Variants in SYNE2 observed in about 807,000 individuals in gnomAD.
SYNE2 encodes nesprin-2.
In SYNE2, 431 loss-of-function variants were observed where a neutral mutation model predicts 856.3. The ratio of observed to expected loss-of-function variants is 0.50; its 90% CI spans 0.47 to 0.55. The LOEUF is 0.55. SYNE2 is among the 20% of genes least tolerant of loss of function. SYNE2 has a pLI of 0.00. For synonymous variants in SYNE2, 2,923 were observed against 2,872.3 expected, an observed-to-expected ratio of 1.02 and a Z score of -0.56; for missense variants, 8,129 against 8,023.2, an observed-to-expected ratio of 1.01 and a Z score of -0.50.
rs764816459 is a variant in SYNE2, at chr14:64,179,586, A to AT, written c.17556+2112dup. 6.1e-4 allele frequency among the ~76,000 whole-genome samples: 92 copies of AT among 151,826 alleles called. 1 individual carries two copies. The East Asian group carries it at 0.015, about 25-fold the overall frequency. On this transcript the variant is annotated intron_variant, in intron 96 of 115. Coordinates refer to ENST00000555002, the MANE Select transcript of SYNE2 (RefSeq NM_182914.3). ...TTCTGTAGTCACTTGGTATTGTCAGATTTTTTTTTAAACTTTTGCTAATCC... is the reference window on the plus strand; with the variant it reads ...TTCTGTAGTCACTTGGTATTGTCAGATTTTTTTTTTAAACTTTTGCTAATCC...
At position 64,065,595 on chromosome 14, in the gene SYNE2, A is replaced by AGTGG; in HGVS notation, c.10378_10381dup (p.Glu3461ValfsTer17). 6.2e-7 allele frequency: 1 copy of AGTGG among 1,614,198 alleles called. No individual in the cohort carries two copies. Among genetic ancestry groups the AGTGG allele is most frequent in the Non-Finnish European group, 8.5e-7 (1 of 1,180,042 alleles). ...CTGAGTTTGCTGGAAGCTGCTAAAG[A>AGTGG]GTGGGAGATGTGGTGCGAAGAACTG... is the stretch of plus-strand genomic sequence containing the variant. On this transcript the variant is annotated frameshift_variant, in exon 51 of 116. Coordinates refer to ENST00000555002, the MANE Select transcript of SYNE2 (RefSeq NM_182914.3). LOFTEE classifies it high-confidence loss of function.
intron 6 of SYNE2, among the ~76,000 whole-genome samples, chr14:63,943,444 G>T (rs1425886718): frequency 6.6e-6 from 1 of 151,886 alleles, no homozygotes; most frequent in Non-Finnish European, 1.5e-5. Flanking sequence ...AGAAAAACTA[G>T]AAAAATAGCA....
At position 63,997,108 on chromosome 14, in the gene SYNE2, C is replaced by T. The variant is rs886050580; in HGVS notation, c.3102C>T (p.Ser1034=). The change falls in exon 24 of 116, where the codon TCC becomes TCT. Residue 1034 remains serine, a synonymous_variant. Transcript: ENST00000555002. ...TAGAAAGACTTCTGAAATGTGCTTC[C>T]GAGATTCATATGACACTGCAGCCCA... ...QKIERLLKCA[S]EIHMTLQPTA... 1.8e-5 allele frequency: 29 copies of T among 1,613,858 alleles called. No individual in the cohort carries two copies. Among genetic ancestry groups the T allele is most frequent in the Middle Eastern group, 1.6e-4 (1 of 6,084 alleles).
chr14:64,100,382 G>A (rs1202071107), intron 63 of SYNE2: 1 of 150,818 alleles, frequency 6.6e-6, no homozygotes. Context: ...CAGGTGTGGT[G>A]GCAGGTTCCT....
At chr14:64,042,990 T>C (rs1194366921) in intron 45 of SYNE2, among the ~76,000 whole-genome samples, 2 of 152,144 alleles carry the variant, frequency 1.3e-5, no homozygotes, top group Non-Finnish European at 2.9e-5. Context: ...GTTGAATGGC[T>C]TTGACCAAAA....
intron 1 of SYNE2, among the ~76,000 whole-genome samples, chr14:63,898,754 G>T (rs1371423313): frequency 6.6e-6 from 1 of 151,942 alleles, no homozygotes; most frequent in African/African-American, 2.4e-5. Context: ...CATTTTTTTT[G>T]AGCTTTGTGT....
chr14:63,950,223 G>A (rs932421353), intron 7 of SYNE2, among the ~76,000 whole-genome samples: 2 of 152,132 alleles, frequency 1.3e-5, no homozygotes, highest in African/African-American at 4.8e-5. Context: ...CATCCCACCT[G>A]CTGTGTTTAG....
Position 63,827,625 on chromosome 14 carries a change from C to CAAAAAAAAAAAAAAAAAAAAAA in SYNE2, c.-304-24866_-304-24845dup, listed in dbSNP as rs11334415. On this transcript the variant is annotated intron_variant, in intron 1 of 23. Transcript: ENST00000674003. ...GGGCAACAAGATTGAAACTCTGTCT[C>CAAAAAAAAAAAAAAAAAAAAAA]AAAAAAAAAAAAAAAAAAAAAAAAA... 2.4e-3 allele frequency among the ~76,000 whole-genome samples: 69 copies of CAAAAAAAAAAAAAAAAAAAAAA among 28,410 alleles called. 1 individual carries two copies. The highest frequency in any genetic ancestry group is 2.9e-3 in the Non-Finnish European group (46 of 15,890). The allele number at this position is 28,410 out of a possible 152,430, so 18.6% of individuals were successfully genotyped here.
At chr14:63,995,271 C>T in intron 23 of SYNE2, 69 bp downstream of exon 23, 1 of 1,394,376 alleles carries the variant, frequency 7.2e-7, no homozygotes, top group East Asian at 2.4e-5. Context: ...TTGTGTGTAT[C>T]TTTAGCCTAG....
intron 31 of SYNE2, among the ~76,000 whole-genome samples, chr14:64,007,440 A>T (rs956400541): frequency 3.9e-5 from 6 of 152,206 alleles, no homozygotes; most frequent in Non-Finnish European, 7.3e-5. Flanking sequence ...GAAGCATAAC[A>T]CATACACAGT....
At chr14:64,015,847 A>G (rs1027977429) in intron 32 of SYNE2, among the ~76,000 whole-genome samples, 2 of 152,020 alleles carry the variant, frequency 1.3e-5, no homozygotes, top group Non-Finnish European at 2.9e-5. Flanking sequence ...CCTCTCAGCA[A>G]TACTTTGACT....
Position 63,980,709 on chromosome 14 carries a change from G to T in SYNE2, c.1625G>T (p.Cys542Phe), listed in dbSNP as rs1163701701. The T allele has an allele frequency of 6.2e-7, 1 of 1,605,754 alleles. No homozygotes were observed. Among genetic ancestry groups the T allele is most frequent in the African/African-American group, 1.3e-5 (1 of 74,876 alleles). Residue 542 changes from cysteine to phenylalanine, a missense_variant, in exon 15 of 116, where the codon TGT becomes TTT. Physicochemically the swap from Cys to Phe is radical, Grantham distance 205. Transcript: ENST00000555002. ...LARLDTSFQKCGEIYKNLAGE... is the reference protein window; with the variant it reads ...LARLDTSFQKFGEIYKNLAGE... ...CGACTTGATACTTCTTTTCAAAAAT[G>T]TGGAGAAATTTATAAGAATTTGGGT...
chr14:64,088,296 C>T (rs766222965), intron 58 of SYNE2, among the ~76,000 whole-genome samples: 1 of 152,174 alleles, frequency 6.6e-6, no homozygotes, highest in Non-Finnish European at 1.5e-5. Flanking sequence ...TTTTACTTTA[C>T]TTTGCAACCT....
At position 64,191,042 on chromosome 14, in the gene SYNE2, A is replaced by T; in HGVS notation, c.18038+805A>T. ...GGGTCCTTTCCATAGCAGTGTGCTC[A>T]GATGTTTTGAACAACACATAGAATT... On this transcript the variant is annotated intron_variant, in intron 99 of 115. Transcript: ENST00000555002. The T allele has an allele frequency of 4.3e-6, 3 of 702,210 alleles. No individual in the cohort carries two copies. In the East Asian group the frequency reaches 8.0e-5, roughly 19 times the overall value. The allele number at this position is 702,210 out of a possible 1,614,324, so 43.5% of individuals were successfully genotyped here. A position where few individuals can be genotyped will look rare whatever the true frequency, so the allele number is the denominator to read the frequency against.
At chr14:63,918,746 G>A (rs1302001484) in intron 2 of SYNE2, among the ~76,000 whole-genome samples, 1 of 152,318 alleles carries the variant, frequency 6.6e-6, no homozygotes, top group East Asian at 1.9e-4. Flanking sequence ...TTCATCAGTG[G>A]TGTTGTGTTT....
intron 2 of SYNE2, among the ~76,000 whole-genome samples, chr14:63,929,777 A>C (rs898607110): frequency 1.3e-5 from 2 of 151,948 alleles, no homozygotes; most frequent in Non-Finnish European, 2.9e-5. Flanking sequence ...CTCAAAAAAA[A>C]AAAAAAATTT....
intron 2 of SYNE2, among the ~76,000 whole-genome samples, chr14:63,917,527 A>G (rs1324655647): frequency 2.6e-5 from 4 of 152,074 alleles, no homozygotes; most frequent in Non-Finnish European, 4.4e-5. Flanking sequence ...CTGGAGTGCA[A>G]TGGCACAATC....
rs763901608 is a variant in SYNE2, at chr14:64,174,979, C to T, written c.17271C>T (p.Thr5757=). Residue 5757 remains threonine, a synonymous_variant, in exon 95 of 116, where the codon ACC becomes ACT. Coordinates refer to ENST00000555002, the MANE Select transcript of SYNE2 (RefSeq NM_182914.3). ...KEIHFQRRRT[T]CALTLEAGEK... is the part of the protein sequence containing the mutation. ...TTCATTTTCAAAGGAGGCGAACTAC[C>T]TGTGCCCTAACCTTGGAAGCTGGAG... 2 of 1,614,146 alleles carry T rather than the reference C, an allele frequency of 1.2e-6. No individual in the cohort carries two copies. Among genetic ancestry groups the T allele is most frequent in the Admixed American group, 1.7e-5 (1 of 60,024 alleles).
rs1174146130 is a variant in SYNE2, at chr14:63,986,516, G to A, written c.2212G>A (p.Asp738Asn). 1 of 1,614,178 alleles carries A rather than the reference G, an allele frequency of 6.2e-7. No homozygotes were observed. The highest frequency in any genetic ancestry group is 8.5e-7 in the Non-Finnish European group (1 of 1,180,016). ...EFTGQLKVAK[D>N]VEKLIGQVEI... ...CACAGGGCAACTAAAAGTGGCTAAA[G>A]ATGTTGAAAAACTCATTGGACAAGT... Residue 738 changes from aspartate (D) to asparagine (N), a missense_variant, in exon 19 of 116, where the codon GAT becomes AAT. Around this residue, in one of 3 missense-constraint regions of SYNE2, gnomAD observed 2,422 missense variants for 2,357.4 expected, o/e 1.03. Transcript: ENST00000555002.
Sources: gnomAD v4.1 joint callset for allele counts (sites outside exome capture counted in the v4.1 genomes callset) on GRCh38, gnomAD v4.1.1 for gene constraint, gnomAD v4.1.1 regional missense constraint, MANE v1.5 for transcripts, NCBI Gene and HGNC (gene_info 2026-07-23, HGNC 2026-07-21) for gene names.